Variants in CDX1 observed in about 807,000 individuals in gnomAD.
CDX1 encodes homeobox protein CDX-1.
A neutral mutation model predicts 16.9 loss-of-function variants in CDX1; 9 were observed. The observed-to-expected ratio is 0.53, with a 90% confidence interval of 0.32 to 0.93. The LOEUF is 0.93. Ranked by LOEUF, CDX1 falls within the 40% of genes least tolerant of loss-of-function variation. The pLI, the probability that CDX1 is intolerant of heterozygous loss-of-function variation, is 0.04. For missense variants in CDX1, 393 were observed against 386.1 expected, an observed-to-expected ratio of 1.02 and a Z score of -0.15; for synonymous variants, 179 against 179.0, an observed-to-expected ratio of 1.00 and a Z score of 0.00.
chr5:150,172,989 T>C (rs1761526019), intron 1 of CDX1, among the ~76,000 whole-genome samples: 1 of 151,824 alleles, frequency 6.6e-6, no homozygotes, highest in Non-Finnish European at 1.5e-5. Context: ...ACATCTGGAG[T>C]CAAGGCCGTC....
intron 1 of CDX1, among the ~76,000 whole-genome samples, chr5:150,174,752 C>T (rs1458923498): frequency 6.7e-6 from 1 of 149,414 alleles, no homozygotes; most frequent in Non-Finnish European, 1.5e-5. Flanking sequence ...GCTCCTTGTT[C>T]TTGCATTGAG....
Position 150,167,078 on chromosome 5 carries a change from C to G in CDX1, c.202C>G (p.Pro68Ala). 1.4e-6 allele frequency: 2 copies of G among 1,407,182 alleles called. No individual in the cohort carries two copies. Among genetic ancestry groups the G allele is most frequent in the Non-Finnish European group, 1.8e-6 (2 of 1,087,276 alleles). 87.2% of individuals were successfully genotyped at this position (1,407,182 alleles called of 1,614,324 possible). ...PTAWGAPFPA[P>A]KDDWAAAYGP... ...GGCCTGGGGGGCGCCCTTCCCTGCG[C>G]CCAAGGACGACTGGGCCGCCGCCTA... The change falls in exon 1 of 3, where the codon CCC (proline) becomes GCC (alanine). Residue 68 changes from proline to alanine, a missense_variant. Pro to Ala is a conservative substitution (Grantham distance 27). Coordinates refer to ENST00000231656, the MANE Select transcript of CDX1 (RefSeq NM_001804.3).
chr5:150,176,331 T>C (rs6885596), intron 1 of CDX1, among the ~76,000 whole-genome samples: 3,195 of 152,330 alleles, frequency 0.021, 121 homozygotes, highest in African/African-American at 0.073. Context: ...TGCTTCCTTA[T>C]CTTGGAAAAG....
chr5:150,177,409 G>A (rs903331658), intron 1 of CDX1, among the ~76,000 whole-genome samples: 2 of 152,208 alleles, frequency 1.3e-5, no homozygotes, highest in East Asian at 1.9e-4. Flanking sequence ...AGTAAGATCT[G>A]CCCTTCCCCA....
intron 1 of CDX1, among the ~76,000 whole-genome samples, chr5:150,169,591 AG>A (rs1293024213): frequency 1.3e-5 from 2 of 152,152 alleles, no homozygotes; most frequent in East Asian, 3.9e-4. Context: ...TCTCCCTGAG[AG>A]AGAGGCCAAG....
At position 150,183,720 on chromosome 5, in the gene CDX1, G is replaced by A. The variant is rs771176011; in HGVS notation, c.*40G>A. The stretch of plus-strand genomic sequence containing the variant: ...TGTGCGCCGGGGGACCTGGGGACTC[G>A]GGTGCTGGGAGTGTGGCTCCTGTGG... On this transcript the variant is annotated 3_prime_UTR_variant, in exon 3 of 3. Coordinates refer to ENST00000231656, the MANE Select transcript of CDX1 (RefSeq NM_001804.3). 60 of 1,455,798 alleles carry A rather than the reference G, an allele frequency of 4.1e-5. No individual in the cohort carries two copies. Among genetic ancestry groups the A allele is most frequent in the African/African-American group, 3.5e-4 (25 of 70,562 alleles). 90.2% of individuals were successfully genotyped at this position (1,455,798 alleles called of 1,614,324 possible).
At chr5:150,174,537 G>A (rs1027500028) in intron 1 of CDX1, among the ~76,000 whole-genome samples, 4 of 152,222 alleles carry the variant, frequency 2.6e-5, no homozygotes, top group African/African-American at 9.6e-5. Context: ...AGGACTTTCC[G>A]CCAGGATGGA....
rs531009595 is a variant in CDX1, at chr5:150,183,638, C to T, written c.756C>T (p.Ala252=). 2 of 1,607,442 alleles carry T rather than the reference C, an allele frequency of 1.2e-6. No homozygotes were observed. Among genetic ancestry groups the T allele is most frequent in the African/African-American group, 1.3e-5 (1 of 74,928 alleles). The change falls in exon 3 of 3, where the codon GCC becomes GCT. Residue 252 remains alanine, a synonymous_variant. Coordinates refer to ENST00000231656, the MANE Select transcript of CDX1 (RefSeq NM_001804.3). ...GLCPSNTSLL[A]TSSPMPVKEE... is the part of the protein sequence containing the mutation. ...GTCCCAGCAACACCAGCCTCCTGGC[C>T]ACCTCCTCTCCAATGCCTGTGAAAG...
At chr5:150,181,030 A>G (rs926842250) in intron 1 of CDX1, among the ~76,000 whole-genome samples, 3 of 152,124 alleles carry the variant, frequency 2.0e-5, no homozygotes, top group Non-Finnish European at 4.4e-5. Flanking sequence ...ATCAGACTTC[A>G]TGTCTCCTCT....
chr5:150,176,671 C>A (rs1374995530), intron 1 of CDX1, among the ~76,000 whole-genome samples: 1 of 152,184 alleles, frequency 6.6e-6, no homozygotes, highest in Non-Finnish European at 1.5e-5. Flanking sequence ...GACTGGTGCA[C>A]AGGCTAAACC....
chr5:150,182,805 C>T lies in CDX1; in HGVS notation c.483C>T (p.Tyr161=), dbSNP rs1752480425. ...CCAAGGACAAGTACCGCGTGGTCTA[C>T]ACCGACCACCAACGCCTGGAGCTGG... ...TRTKDKYRVV[Y]TDHQRLELEK... The change falls in exon 2 of 3, where the codon TAC becomes TAT. Residue 161 remains tyrosine (Y), a synonymous_variant. Transcript: ENST00000231656. 5.0e-6 allele frequency: 8 copies of T among 1,612,246 alleles called. No homozygotes were observed. The highest frequency in any genetic ancestry group is 5.9e-6 in the Non-Finnish European group (7 of 1,179,094).
chr5:150,181,570 C>T lies in CDX1; in HGVS notation c.446-1198C>T, dbSNP rs150972265. ...CTGGGATTACAGGTGTGAGCCACCGCGCCTGGCCCTACATGACTCTTTCCT... is the reference window on the plus strand; with the variant it reads ...CTGGGATTACAGGTGTGAGCCACCGTGCCTGGCCCTACATGACTCTTTCCT... On this transcript the variant is annotated intron_variant, in intron 1 of 2. Coordinates refer to ENST00000231656, the MANE Select transcript of CDX1 (RefSeq NM_001804.3). Among the ~76,000 whole-genome samples the T allele has an allele frequency of 1.1e-3, 175 of 152,236 alleles. 3 individuals carry two copies. The South Asian group carries it at 0.015, about 13-fold the overall frequency.
intron 1 of CDX1, 137 bp downstream of exon 1, chr5:150,167,458 G>C (rs1371527019): frequency 7.3e-5 from 37 of 506,648 alleles, no homozygotes; most frequent in Non-Finnish European, 1.0e-4. Flanking sequence ...TCTCGCCCTG[G>C]GGGGCTGCTC....
chr5:150,176,395 C>T (rs780856148), intron 1 of CDX1, among the ~76,000 whole-genome samples: 4 of 152,226 alleles, frequency 2.6e-5, no homozygotes, highest in Non-Finnish European at 4.4e-5. Flanking sequence ...TCCCCTGAGC[C>T]CCCTCCTGCC....
chr5:150,169,703 G>T (rs1387405838), intron 1 of CDX1, among the ~76,000 whole-genome samples: 1 of 152,162 alleles, frequency 6.6e-6, no homozygotes, highest in Admixed American at 6.5e-5. Flanking sequence ...ACAGCTGAAG[G>T]AGGATCAGTG....
At position 150,183,601 on chromosome 5, in the gene CDX1, TG is replaced by T. The variant is rs1752499768; in HGVS notation, c.725del (p.Gly242AlafsTer18). The T allele has an allele frequency of 1.9e-6, 3 of 1,610,072 alleles. No individual in the cohort carries two copies. Among genetic ancestry groups the T allele is most frequent in the Non-Finnish European group, 2.5e-6 (3 of 1,177,380 alleles). On this transcript the variant is annotated frameshift_variant, in exon 3 of 3. Transcript: ENST00000231656. LOFTEE classifies it high-confidence loss of function. ...DITATPAGPS[L>X]GGLCPSNTSL... Reference sequence around the variant, plus strand: ...ACGGCCACCCCAGCCGGGCCATCCCTGGGGGGCCTGTGTCCCAGCAACACCA... The same window carrying T: ...ACGGCCACCCCAGCCGGGCCATCCCTGGGGGCCTGTGTCCCAGCAACACCA...
intron 1 of CDX1, among the ~76,000 whole-genome samples, chr5:150,172,895 C>G (rs1253779562): frequency 6.6e-6 from 1 of 152,174 alleles, no homozygotes; most frequent in Admixed American, 6.5e-5. Flanking sequence ...GCAGCAGGGT[C>G]TGGTGTGTCC....
intron 1 of CDX1, among the ~76,000 whole-genome samples, chr5:150,171,790 G>C (rs1478386791): frequency 6.6e-6 from 1 of 152,236 alleles, no homozygotes; most frequent in Non-Finnish European, 1.5e-5. Context: ...TCTCAGAGCT[G>C]GGATTGCATT....
At chr5:150,167,508 C>A (rs1382670874) in intron 1 of CDX1, among the ~76,000 whole-genome samples, 187 bp downstream of exon 1, 3 of 152,330 alleles carry the variant, frequency 2.0e-5, no homozygotes, top group East Asian at 1.9e-4. Context: ...TCGGAGCCTT[C>A]AGCAGCACAG....
Sources: allele counts gnomAD v4.1 joint callset (sites outside exome capture counted in the v4.1 genomes callset), GRCh38; gene constraint gnomAD v4.1.1; transcripts MANE v1.5; gene names NCBI Gene and HGNC (gene_info 2026-07-23, HGNC 2026-07-21).